AK8: variants seen among roughly 807,000 people sequenced by gnomAD.
AK8 encodes the protein adenylate kinase 8, also known as ATP-AMP transphosphorylase 8.
A neutral mutation model predicts 54.6 loss-of-function variants in AK8; 44 were observed. The ratio of observed to expected loss-of-function variants is 0.81; its 90% CI spans 0.63 to 1.04. The LOEUF (loss-of-function observed/expected upper bound fraction) is 1.04, where lower values mean the gene tolerates loss of function less well. Ranked by LOEUF, AK8 falls within the 50% of genes least tolerant of loss-of-function variation. AK8 has a pLI of 0.00. For missense variants in AK8, 555 were observed against 613.6 expected, an observed-to-expected ratio of 0.90 and a Z score of 1.01; for synonymous variants, 239 against 245.6, an observed-to-expected ratio of 0.97 and a Z score of 0.25.
chr9:132,796,073 CA>C (rs1308101628), intron 10 of AK8, among the ~76,000 whole-genome samples: 4 of 152,276 alleles, frequency 2.6e-5, no homozygotes, highest in African/African-American at 9.6e-5. Context: ...CCTCTTGTTT[CA>C]AAGTTAGGAA....
intron 11 of AK8, among the ~76,000 whole-genome samples, chr9:132,752,681 CCTG>C (rs1590196923): frequency 1.1e-5 from 1 of 95,026 alleles, no homozygotes. Flanking sequence ...CTGGAATGGG[CCTG>C]GCTGTCCCTG....
At chr9:132,843,768 T>C (rs1842631656) in intron 5 of AK8, among the ~76,000 whole-genome samples, 1 of 152,166 alleles carries the variant, frequency 6.6e-6, no homozygotes, top group Non-Finnish European at 1.5e-5. Context: ...TGAACATCAG[T>C]TGCCTCCAGG....
upstream of AK8, chr9:132,878,397 C>G (rs570701949): frequency 8.1e-7 from 1 of 1,242,236 alleles, no homozygotes; most frequent in South Asian, 4.0e-5. This position sits in a 1 kb window ranked among gnomAD's most constrained non-coding sequence, Gnocchi z 4.7. Context: ...GCGGGTCGCC[C>G]CCGCCCCGAC....
intron 9 of AK8, among the ~76,000 whole-genome samples, chr9:132,816,536 G>A (rs773270767): frequency 4.6e-5 from 7 of 152,144 alleles, no homozygotes; most frequent in Non-Finnish European, 4.4e-5. Context: ...AGGTCACAGA[G>A]CCATTAAGGG....
At position 132,878,077 on chromosome 9, in the gene AK8, C is replaced by A. The variant is rs1844222975; in HGVS notation, c.84+95G>T. The A allele has an allele frequency of 4.6e-6, 7 of 1,536,754 alleles. No homozygotes were observed. In the African/African-American group the frequency reaches 9.6e-5, roughly 21 times the overall value. On this transcript the variant is annotated intron_variant, in intron 1 of 12. Transcript: ENST00000298545. This position sits in a 1 kb window ranked among gnomAD's most constrained non-coding sequence, Gnocchi z 4.7. ...TGGGCTGCTTCGTGGGCGCGCGACT[C>A]GGCCCCAGCTGCGGGTCCCGGCCGC...
At chr9:132,766,308 C>G (rs1045707385) in intron 11 of AK8, among the ~76,000 whole-genome samples, 3 of 152,132 alleles carry the variant, frequency 2.0e-5, no homozygotes, top group Admixed American at 2.0e-4. Context: ...GAGATGAGGT[C>G]TCTCTGTGTT....
chr9:132,738,187 G>A (rs1178644796), intron 11 of AK8, among the ~76,000 whole-genome samples: 1 of 152,078 alleles, frequency 6.6e-6, no homozygotes, highest in African/African-American at 2.4e-5. Context: ...CCGAGTAGCT[G>A]TGACTACAGG....
chr9:132,801,567 G>A (rs1164011903), intron 10 of AK8, among the ~76,000 whole-genome samples: 1 of 152,108 alleles, frequency 6.6e-6, no homozygotes, highest in Non-Finnish European at 1.5e-5. Flanking sequence ...TGAATTCAGG[G>A]CTTAGAACCA....
chr9:132,792,775 A>G lies in AK8; in HGVS notation c.980T>C (p.Val327Ala). ...CACCTTCATGAGGAGGCTGTCAGGA[A>G]CTGCAGAGAAGGGGGGCAAGTGAGT... ...IQPFFEKEMA[V>A]PDSLLMKVLS... The change falls in exon 11 of 13, where the codon GTT becomes GCT. Residue 327 changes from valine (V) to alanine (A), a missense_variant and splice_region_variant. Transcript: ENST00000298545. The G allele has an allele frequency of 1.8e-5, 28 of 1,558,386 alleles. No individual in the cohort carries two copies. Among genetic ancestry groups the G allele is most frequent in the Non-Finnish European group, 2.4e-5 (28 of 1,150,976 alleles).
intron 11 of AK8, among the ~76,000 whole-genome samples, chr9:132,730,484 T>C (rs1836787163): frequency 6.7e-6 from 1 of 148,570 alleles, no homozygotes; most frequent in Non-Finnish European, 1.5e-5. Context: ...ATCTAACTGG[T>C]AGAACAGAGA....
intron 10 of AK8, among the ~76,000 whole-genome samples, chr9:132,810,765 C>T (rs144571897): frequency 1.4e-4 from 22 of 152,248 alleles, no homozygotes; most frequent in African/African-American, 4.8e-4. Context: ...TGACATCCCA[C>T]GATGCCTGAG....
intron 9 of AK8, among the ~76,000 whole-genome samples, chr9:132,819,074 C>T (rs1290186174): frequency 6.6e-6 from 1 of 152,136 alleles, no homozygotes; most frequent in African/African-American, 2.4e-5. Context: ...GGTCATTTCA[C>T]CAATAACATA....
At chr9:132,871,359 G>A (rs1047323421) in intron 2 of AK8, among the ~76,000 whole-genome samples, 3 of 152,204 alleles carry the variant, frequency 2.0e-5, no homozygotes, top group Admixed American at 6.5e-5. Context: ...CCACAGAGGC[G>A]TGGGCAAAGA....
chr9:132,726,108 G>T (rs908765179), intron 12 of AK8, among the ~76,000 whole-genome samples, 183 bp from the exon 13 acceptor site: 2 of 152,196 alleles, frequency 1.3e-5, no homozygotes, highest in South Asian at 4.1e-4. Flanking sequence ...GCTACAGAGA[G>T]ATCCAAGATG....
chr9:132,878,572 C>G (rs1012526173), upstream of AK8: 6 of 1,132,008 alleles, frequency 5.3e-6, no homozygotes, highest in African/African-American at 9.7e-5. This position sits in a 1 kb window ranked among gnomAD's most constrained non-coding sequence, Gnocchi z 4.7. Flanking sequence ...AGTCGGCCCT[C>G]CGAGGGGACG....
intron 10 of AK8, among the ~76,000 whole-genome samples, chr9:132,802,325 G>T (rs1840498214): frequency 6.6e-6 from 1 of 152,212 alleles, no homozygotes. Flanking sequence ...CAGGGGGCGG[G>T]AGGGGGGCGG....
At chr9:132,763,551 C>T (rs1401067707) in intron 11 of AK8, among the ~76,000 whole-genome samples, 1 of 152,208 alleles carries the variant, frequency 6.6e-6, no homozygotes, top group African/African-American at 2.4e-5. Flanking sequence ...TATTTTTGTA[C>T]CTATCACCAA....
Position 132,786,238 on chromosome 9 carries a change from T to C in AK8, c.1121+6396A>G, listed in dbSNP as rs1222038822. On this transcript the variant is annotated intron_variant, in intron 11 of 12. Coordinates refer to ENST00000298545, the MANE Select transcript of AK8 (RefSeq NM_152572.3). Reference sequence around the variant, plus strand: ...ATTTGTTTCAGAAGAGAGTGAGTCCTAGATCCCTTCCTCACTCCACCCAGC... The same window carrying C: ...ATTTGTTTCAGAAGAGAGTGAGTCCCAGATCCCTTCCTCACTCCACCCAGC... Among the ~76,000 whole-genome samples, 5 of 152,316 alleles carry C rather than the reference T, an allele frequency of 3.3e-5. No individual in the cohort carries two copies. The East Asian group carries it at 9.6e-4, about 29-fold the overall frequency.
intron 11 of AK8, among the ~76,000 whole-genome samples, chr9:132,729,471 G>A (rs1450480296): frequency 1.3e-5 from 2 of 152,202 alleles, no homozygotes; most frequent in Non-Finnish European, 2.9e-5. Context: ...CAAGACCTAG[G>A]AGCTCCCACC....
Sources: gnomAD v4.1 joint callset for allele counts (sites outside exome capture counted in the v4.1 genomes callset) on GRCh38, gnomAD v4.1.1 for gene constraint, Gnocchi (gnomAD v3.1) non-coding constraint, MANE v1.5 for transcripts, NCBI Gene and HGNC (gene_info 2026-07-23, HGNC 2026-07-21) for gene names.